The following TMTC2 variants were observed in gnomAD, a reference collection of about 807,000 sequenced individuals.
The protein encoded by TMTC2 is protein O-mannosyl-transferase TMTC2.
In TMTC2, 43 loss-of-function variants were observed where a neutral mutation model predicts 82.4. That is an observed-to-expected ratio of 0.52 (90% CI 0.41 to 0.67). The LOEUF (loss-of-function observed/expected upper bound fraction) is 0.67. Ranked by LOEUF, TMTC2 falls within the 30% of genes least tolerant of loss-of-function variation. The pLI is 0.00. For synonymous variants in TMTC2, 408 were observed against 381.9 expected, an observed-to-expected ratio of 1.07 and a Z score of -0.80; for missense variants, 919 against 1,012.4, an observed-to-expected ratio of 0.91 and a Z score of 1.25.
chr12:82,877,523 T>C (rs1477280061), intron 2 of TMTC2, among the ~76,000 whole-genome samples: 1 of 152,190 alleles, frequency 6.6e-6, no homozygotes, highest in Admixed American at 6.5e-5. Context: ...TACTGTCTTC[T>C]TGTTGTGGGG....
intron 7 of TMTC2, among the ~76,000 whole-genome samples, chr12:82,974,286 T>C (rs980657188): frequency 3.9e-5 from 6 of 152,234 alleles, no homozygotes; most frequent in Non-Finnish European, 8.8e-5. Context: ...TATTGTAATC[T>C]TTAATTGGGA....
intron 1 of TMTC2, among the ~76,000 whole-genome samples, chr12:82,784,265 T>C (rs1878059785): frequency 6.6e-6 from 1 of 152,126 alleles, no homozygotes; most frequent in Non-Finnish European, 1.5e-5. Context: ...AATTATTTTG[T>C]GCAACTCTTT....
intron 1 of TMTC2, among the ~76,000 whole-genome samples, chr12:82,755,737 C>T (rs888021839): frequency 4.6e-5 from 7 of 152,140 alleles, no homozygotes; most frequent in Admixed American, 4.6e-4. Context: ...TCACTTGTAA[C>T]TGAAATAGAC....
intron 2 of TMTC2, among the ~76,000 whole-genome samples, chr12:82,871,681 C>CTGTGTGTG (rs10662218): frequency 0.029 from 4,055 of 142,092 alleles, 78 homozygotes; most frequent in African/African-American, 0.042. Flanking sequence ...CTCTGCTCAT[C>CTGTGTGTG]TGTGTGTGTG....
chr12:82,794,998 G>C (rs890230396), intron 1 of TMTC2, among the ~76,000 whole-genome samples: 1 of 152,048 alleles, frequency 6.6e-6, no homozygotes, highest in Non-Finnish European at 1.5e-5. Context: ...TCTGTGAATC[G>C]CTGGAATCCG....
intron 1 of TMTC2, among the ~76,000 whole-genome samples, chr12:82,742,786 A>G (rs1291128889): frequency 6.6e-6 from 1 of 152,276 alleles, no homozygotes; most frequent in Non-Finnish European, 1.5e-5. Flanking sequence ...AGCCGCCCGA[A>G]GTGCTGGGAT....
At chr12:82,975,760 G>A (rs1284172363) in intron 7 of TMTC2, among the ~76,000 whole-genome samples, 2 of 152,054 alleles carry the variant, frequency 1.3e-5, no homozygotes, top group African/African-American at 4.8e-5. Context: ...TTGACTCATA[G>A]GAGAGTGCTT....
At chr12:82,969,497 G>T (rs1245653324) in intron 7 of TMTC2, among the ~76,000 whole-genome samples, 1 of 152,116 alleles carries the variant, frequency 6.6e-6, no homozygotes, top group African/African-American at 2.4e-5. Context: ...GATTATTAGT[G>T]TAGTACTAAA....
chr12:82,947,175 G>T (rs929852516), intron 4 of TMTC2, among the ~76,000 whole-genome samples: 2 of 152,156 alleles, frequency 1.3e-5, no homozygotes, highest in Non-Finnish European at 2.9e-5. Flanking sequence ...TTGTGTTTGA[G>T]TGTGTCCCCT....
Position 82,721,732 on chromosome 12 carries a change from G to A in TMTC2, c.83+34063G>A, listed in dbSNP as rs1342393120. ...ACGCTATTTAAATATTTATGGAAAA[G>A]TCAGTGTCTTGCCCTGACTAAATTT... On this transcript the variant is annotated intron_variant, in intron 1 of 11. Transcript: ENST00000321196. Among the ~76,000 whole-genome samples the A allele has an allele frequency of 2.6e-5, 4 of 152,190 alleles. No individual in the cohort carries two copies. In the East Asian group the frequency reaches 7.7e-4, roughly 29 times the overall value.
chr12:82,932,278 A>G (rs1365712167), intron 4 of TMTC2, among the ~76,000 whole-genome samples: 3 of 152,146 alleles, frequency 2.0e-5, no homozygotes, highest in South Asian at 2.1e-4. Flanking sequence ...TGGGATCTCA[A>G]TCTAGCGGCC....
chr12:82,898,243 C>T (rs1873781357), intron 3 of TMTC2, among the ~76,000 whole-genome samples: 1 of 152,104 alleles, frequency 6.6e-6, no homozygotes, highest in Admixed American at 6.6e-5. Flanking sequence ...TTATTGAATG[C>T]CTGGACCCAA....
intron 1 of TMTC2, chr12:82,759,369 C>T (rs1040081533): frequency 6.6e-6 from 1 of 152,168 alleles, no homozygotes; most frequent in African/African-American, 2.4e-5. Context: ...GGAACATTTA[C>T]CCTCATCTTT....
intron 11 of TMTC2, among the ~76,000 whole-genome samples, chr12:83,109,243 A>G (rs1350378165): frequency 6.6e-6 from 1 of 152,186 alleles, no homozygotes; most frequent in African/African-American, 2.4e-5. Context: ...ACCTTCAATT[A>G]TGGCGGAAGG....
At chr12:82,960,978 C>T (rs531821670) in intron 4 of TMTC2, among the ~76,000 whole-genome samples, 14 of 151,878 alleles carry the variant, frequency 9.2e-5, no homozygotes, top group African/African-American at 2.7e-4. Flanking sequence ...ATTACAGGTC[C>T]TCATGTATAT....
At chr12:82,960,202 A>G (rs1399423740) in intron 4 of TMTC2, among the ~76,000 whole-genome samples, 1 of 151,960 alleles carries the variant, frequency 6.6e-6, no homozygotes, top group Non-Finnish European at 1.5e-5. Flanking sequence ...AAAAGGGAAT[A>G]CTTATAAAAA....
chr12:82,895,071 C>G (rs1030731750), intron 2 of TMTC2, among the ~76,000 whole-genome samples: 7 of 151,666 alleles, frequency 4.6e-5, no homozygotes, highest in African/African-American at 1.5e-4. Flanking sequence ...CCCACCTCAG[C>G]CTCCCAAAGT....
chr12:83,035,045 C>A (rs1881605124), intron 9 of TMTC2, among the ~76,000 whole-genome samples: 1 of 152,104 alleles, frequency 6.6e-6, no homozygotes, highest in African/African-American at 2.4e-5. Flanking sequence ...TTTGCAAATG[C>A]CAATGAAAGT....
chr12:82,767,877 A>T (rs1307507122), intron 1 of TMTC2, among the ~76,000 whole-genome samples: 1 of 152,092 alleles, frequency 6.6e-6, no homozygotes, highest in Non-Finnish European at 1.5e-5. Context: ...TCCTCAGGTG[A>T]TCCTCCCCTG....
Sources: allele counts gnomAD v4.1 joint callset (sites outside exome capture counted in the v4.1 genomes callset), GRCh38; gene constraint gnomAD v4.1.1; transcripts MANE v1.5; gene names NCBI Gene and HGNC (gene_info 2026-07-23, HGNC 2026-07-21).